Variants in CSMD1 observed in about 807,000 individuals in gnomAD.
CSMD1 encodes CUB and sushi domain-containing protein 1.
CSMD1 carries 213 observed loss-of-function variants against 417.5 expected under a neutral mutation model. That is an observed-to-expected ratio of 0.51 (90% CI 0.46 to 0.57). The LOEUF (loss-of-function observed/expected upper bound fraction) is 0.57, where lower values mean the gene tolerates loss of function less well. CSMD1 is among the 20% of genes least tolerant of loss of function. CSMD1 has a pLI of 0.00. For synonymous variants in CSMD1, 2,862 were observed against 1,736.8 expected, an observed-to-expected ratio of 1.65 and a Z score of -16.11; for missense variants, 6,923 against 4,529.7, an observed-to-expected ratio of 1.53 and a Z score of -15.17.
At chr8:4,257,318 G>C (rs958693709) in intron 3 of CSMD1, among the ~76,000 whole-genome samples, 8 of 152,146 alleles carry the variant, frequency 5.3e-5, no homozygotes, top group African/African-American at 1.7e-4. Context: ...AGTTTTAAAT[G>C]ATAACTATTT....
intron 8 of CSMD1, among the ~76,000 whole-genome samples, chr8:3,605,622 A>C (rs528402002): frequency 1.3e-5 from 2 of 152,294 alleles, no homozygotes; most frequent in Non-Finnish European, 2.9e-5. Flanking sequence ...CCGTTTGATG[A>C]CACATAATTC....
At chr8:4,070,486 T>C (rs1012871625) in intron 3 of CSMD1, among the ~76,000 whole-genome samples, 2 of 152,086 alleles carry the variant, frequency 1.3e-5, no homozygotes, top group Middle Eastern at 3.4e-3. Flanking sequence ...GCCTCCCGAG[T>C]AGCTGGGACT....
intron 26 of CSMD1, among the ~76,000 whole-genome samples, chr8:3,269,640 G>C (rs1281211338): frequency 6.6e-6 from 1 of 152,200 alleles, no homozygotes; most frequent in African/African-American, 2.4e-5. Flanking sequence ...CCTGGGACTG[G>C]GGGAGCTGAC....
chr8:4,543,420 T>A (rs367686500), intron 2 of CSMD1, among the ~76,000 whole-genome samples: 3 of 152,120 alleles, frequency 2.0e-5, no homozygotes, highest in African/African-American at 7.2e-5. Context: ...ATTGGCTTAT[T>A]TTACTTAGCA....
intron 7 of CSMD1, among the ~76,000 whole-genome samples, chr8:3,665,777 A>G (rs1249138537): frequency 6.6e-6 from 1 of 152,232 alleles, no homozygotes; most frequent in African/African-American, 2.4e-5. Context: ...AGTAGCTTGA[A>G]GCTGAGGCTA....
intron 1 of CSMD1, among the ~76,000 whole-genome samples, chr8:4,830,975 C>G (rs149907921): frequency 6.6e-6 from 1 of 152,142 alleles, no homozygotes; most frequent in Non-Finnish European, 1.5e-5. Flanking sequence ...AGCTAATCAA[C>G]GAGGCATTTA....
At chr8:3,851,866 G>A (rs1173683265) in intron 5 of CSMD1, among the ~76,000 whole-genome samples, 2 of 152,156 alleles carry the variant, frequency 1.3e-5, no homozygotes, top group African/African-American at 4.8e-5. Flanking sequence ...ACATGGCCAT[G>A]CAAAGCCAGT....
chr8:4,054,867 T>A lies in CSMD1; in HGVS notation c.416-22768A>T, dbSNP rs549796580. Among the ~76,000 whole-genome samples, 4 of 152,248 alleles carry A rather than the reference T, an allele frequency of 2.6e-5. 1 individual carries two copies. In the South Asian group the frequency reaches 8.3e-4, roughly 32 times the overall value. ...ACTGTTTGGAGAGAATGTATTGAAA[T>A]GTTCTGTGACATACAAAGGCTACGT... On this transcript the variant is annotated intron_variant, in intron 3 of 69. Coordinates refer to ENST00000635120, the MANE Select transcript of CSMD1 (RefSeq NM_033225.6).
intron 8 of CSMD1, among the ~76,000 whole-genome samples, chr8:3,611,893 T>G (rs1187506320): frequency 6.6e-6 from 1 of 152,026 alleles, no homozygotes; most frequent in Non-Finnish European, 1.5e-5. Flanking sequence ...AAATAAAAAA[T>G]GTTTATTTTC....
intron 2 of CSMD1, among the ~76,000 whole-genome samples, chr8:4,562,203 T>A (rs965921260): frequency 2.4e-4 from 36 of 152,104 alleles, no homozygotes; most frequent in African/African-American, 8.4e-4. Context: ...AACAGACACT[T>A]GAGCCAAGTC....
rs538633455 is a variant in CSMD1 at position 3,175,092 on chromosome 8, T to C, written c.5725+6018A>G. Among the ~76,000 whole-genome samples, 14 of 152,266 alleles carry C rather than the reference T, an allele frequency of 9.2e-5. No individual in the cohort carries two copies. The South Asian group carries it at 1.7e-3, about 18-fold the overall frequency. On this transcript the variant is annotated intron_variant, in intron 37 of 69. Coordinates refer to ENST00000635120, the MANE Select transcript of CSMD1 (RefSeq NM_033225.6). ...TCTACATATGTTAATAATTGCAAAA[T>C]ATAAAAGTGTGAATCAAATCAGGTA... is the stretch of plus-strand genomic sequence containing the variant.
At position 2,948,795 on chromosome 8, in the gene CSMD1, A is replaced by G. The variant is rs2128917841; in HGVS notation, c.10402+504T>C. Reference sequence around the variant, plus strand: ...ACTGACCAATTGTATCTACCCATACATCCATCAAAATTAAACATGAGCATC... The same window carrying G: ...ACTGACCAATTGTATCTACCCATACGTCCATCAAAATTAAACATGAGCATC... On this transcript the variant is annotated intron_variant, in intron 68 of 69. Coordinates refer to ENST00000635120, the MANE Select transcript of CSMD1 (RefSeq NM_033225.6). Among the ~76,000 whole-genome samples the G allele has an allele frequency of 2.6e-5, 4 of 152,262 alleles. No homozygotes were observed. In the Middle Eastern group the frequency reaches 0.01, roughly 388 times the overall value.
Position 3,638,254 on chromosome 8 carries a change from A to C in CSMD1, c.1010-21457T>G, listed in dbSNP as rs190036436. On this transcript the variant is annotated intron_variant, in intron 7 of 69. Transcript: ENST00000635120. ...ATTGGTAGAAAAAATTCTATAGATA[A>C]ATAAATAACATGTACACCATAAGCA... 2.0e-5 allele frequency among the ~76,000 whole-genome samples: 3 copies of C among 152,310 alleles called. No homozygotes were observed. In the East Asian group the frequency reaches 5.8e-4, roughly 29 times the overall value.
chr8:3,625,071 G>GC (rs1796430087), intron 7 of CSMD1, among the ~76,000 whole-genome samples: 1 of 150,358 alleles, frequency 6.7e-6, no homozygotes, highest in Admixed American at 6.6e-5. Context: ...ATGCATAACA[G>GC]TTTTTTTTTT....
chr8:3,011,856 T>C (rs899143970), intron 52 of CSMD1, among the ~76,000 whole-genome samples: 3 of 152,200 alleles, frequency 2.0e-5, no homozygotes, highest in Admixed American at 6.5e-5. Context: ...GTGTTCTCTG[T>C]TGGTTTAAGC....
intron 3 of CSMD1, among the ~76,000 whole-genome samples, chr8:4,162,437 A>G (rs1396081264): frequency 6.6e-6 from 1 of 152,240 alleles, no homozygotes; most frequent in African/African-American, 2.4e-5. Context: ...AATAATAAAC[A>G]GAATAGAGGT....
chr8:4,097,359 G>A (rs888255647), intron 3 of CSMD1, among the ~76,000 whole-genome samples: 1 of 152,274 alleles, frequency 6.6e-6, no homozygotes, highest in East Asian at 1.9e-4. Flanking sequence ...ATGTGTAAAA[G>A]AAGAATGCTT....
intron 1 of CSMD1, among the ~76,000 whole-genome samples, chr8:4,823,741 G>A (rs774054587): frequency 6.6e-6 from 1 of 151,760 alleles, no homozygotes; most frequent in Non-Finnish European, 1.5e-5. Flanking sequence ...GAAATGAGTT[G>A]AAAAACTTAG....
intron 7 of CSMD1, among the ~76,000 whole-genome samples, chr8:3,688,031 A>G (rs1800036314): frequency 6.6e-6 from 1 of 152,212 alleles, no homozygotes. Context: ...GCGTGACCGA[A>G]ATGGATTGCT....
Sources: allele counts gnomAD v4.1 joint callset (sites outside exome capture counted in the v4.1 genomes callset), GRCh38; gene constraint gnomAD v4.1.1; transcripts MANE v1.5; gene names NCBI Gene and HGNC (gene_info 2026-07-23, HGNC 2026-07-21).